Variants in TTC28 observed in about 807,000 individuals in gnomAD.
TTC28 encodes the protein tetratricopeptide repeat domain 28.
TTC28 carries 61 observed loss-of-function variants against 198.0 expected under a neutral mutation model. The ratio of observed to expected loss-of-function variants is 0.31; its 90% CI spans 0.25 to 0.38. The LOEUF (loss-of-function observed/expected upper bound fraction) is 0.38, where lower values mean the gene tolerates loss of function less well. Among genes scored for constraint, TTC28 ranks in the 10% least tolerant of loss-of-function variants. The pLI is 1.00. For synonymous variants in TTC28, 1,171 were observed against 1,297.8 expected (o/e 0.90, Z 2.10); for missense variants, 2,678 against 3,164.0 (o/e 0.85, Z 3.69).
intron 1 of TTC28, among the ~76,000 whole-genome samples, chr22:28,632,269 T>C (rs1230522603): frequency 7.3e-6 from 1 of 137,106 alleles, no homozygotes; most frequent in East Asian, 2.1e-4. Flanking sequence ...TTTTTTTTTT[T>C]TTTTTTTTTT....
chr22:28,411,204 G>A (rs887497031), intron 2 of TTC28, among the ~76,000 whole-genome samples: 1 of 152,136 alleles, frequency 6.6e-6, no homozygotes, highest in African/African-American at 2.4e-5. Context: ...TTAAAGCAGT[G>A]CATCTTTGTA....
At chr22:28,218,957 T>TA (rs879910239) in intron 5 of TTC28, among the ~76,000 whole-genome samples, 2,445 of 127,976 alleles carry the variant, frequency 0.019, 56 homozygotes, top group African/African-American at 0.054. Context: ...ACCAACACAG[T>TA]AAAAAAAAAA....
chr22:28,519,105 G>GCCTGCTA (rs1483075260), intron 2 of TTC28, among the ~76,000 whole-genome samples: 1 of 152,198 alleles, frequency 6.6e-6, no homozygotes, highest in African/African-American at 2.4e-5. Flanking sequence ...GTCAAAGAGA[G>GCCTGCTA]CAGGGAGAAG....
At chr22:28,270,776 A>G (rs1354916364) in intron 5 of TTC28, among the ~76,000 whole-genome samples, 1 of 152,186 alleles carries the variant, frequency 6.6e-6, no homozygotes, top group Non-Finnish European at 1.5e-5. Context: ...GCACATGCCT[A>G]TAGTCCCAGC....
At chr22:28,352,484 G>C (rs2046014967) in intron 2 of TTC28, among the ~76,000 whole-genome samples, 1 of 152,056 alleles carries the variant, frequency 6.6e-6, no homozygotes, top group Non-Finnish European at 1.5e-5. Context: ...TCATGTTCAA[G>C]AAACGGAAAT....
At chr22:27,988,051 C>CA (rs1054062709) in intron 21 of TTC28, among the ~76,000 whole-genome samples, 1 of 151,716 alleles carries the variant, frequency 6.6e-6, no homozygotes, top group Admixed American at 6.6e-5. Flanking sequence ...CCAATCTCTA[C>CA]AAAAAAAGTT....
At chr22:28,296,392 T>A in intron 4 of TTC28, 64 bp from the exon 5 acceptor site, 1 of 1,286,758 alleles carries the variant, frequency 7.8e-7, no homozygotes, top group Non-Finnish European at 1.0e-6. Flanking sequence ...ATTTATAACA[T>A]ATAATGGTCA....
chr22:28,556,998 C>T (rs2049796923), intron 2 of TTC28, among the ~76,000 whole-genome samples: 1 of 152,176 alleles, frequency 6.6e-6, no homozygotes, highest in African/African-American at 2.4e-5. Context: ...ACGTCACACC[C>T]CTTCATTTGC....
chr22:28,395,576 G>C (rs2046801501), intron 2 of TTC28, among the ~76,000 whole-genome samples: 1 of 145,840 alleles, frequency 6.9e-6, no homozygotes, highest in South Asian at 2.1e-4. Context: ...AGCTTGCAGT[G>C]AGCACTCCAG....
chr22:28,561,063 CTTCA>C (rs1229823368), intron 2 of TTC28, among the ~76,000 whole-genome samples: 8 of 132,664 alleles, frequency 6.0e-5, no homozygotes, highest in Non-Finnish European at 3.1e-5. Context: ...GGCCTCTCTC[CTTCA>C]TTTTCTTTTT....
intron 5 of TTC28, among the ~76,000 whole-genome samples, chr22:28,243,411 C>CT (rs1057037217): frequency 6.1e-5 from 9 of 147,912 alleles, no homozygotes; most frequent in South Asian, 2.1e-4. Context: ...ATATTTGGCT[C>CT]TTTTTTTTCC....
intron 5 of TTC28, among the ~76,000 whole-genome samples, chr22:28,196,890 A>G (rs1289688565): frequency 2.0e-5 from 3 of 152,166 alleles, no homozygotes; most frequent in African/African-American, 7.2e-5. Context: ...AGAACTAGAA[A>G]TACCATTTGA....
intron 2 of TTC28, among the ~76,000 whole-genome samples, chr22:28,504,382 T>C (rs2048575296): frequency 6.6e-6 from 1 of 152,188 alleles, no homozygotes; most frequent in Non-Finnish European, 1.5e-5. Flanking sequence ...TCTGTTTGTG[T>C]AGCCATATAT....
chr22:28,033,792 G>A (rs900156045), intron 12 of TTC28, among the ~76,000 whole-genome samples: 6 of 152,258 alleles, frequency 3.9e-5, no homozygotes, highest in African/African-American at 1.4e-4. Context: ...TCATTCATGT[G>A]GTCATTAGGC....
chr22:27,984,925 G>A (rs75450254), intron 22 of TTC28, among the ~76,000 whole-genome samples: 3,353 of 152,282 alleles, frequency 0.022, 43 homozygotes, highest in Non-Finnish European at 0.03. Flanking sequence ...CATGACCTGA[G>A]TGTCCGCTCC....
At chr22:28,071,794 C>T (rs1000803522) in intron 12 of TTC28, among the ~76,000 whole-genome samples, 3 of 149,528 alleles carry the variant, frequency 2.0e-5, no homozygotes, top group Non-Finnish European at 3.0e-5. Flanking sequence ...ATGACAACTT[C>T]GTCTCCACCA....
intron 2 of TTC28, among the ~76,000 whole-genome samples, chr22:28,391,001 A>C (rs1164340680): frequency 6.6e-6 from 1 of 152,106 alleles, no homozygotes; most frequent in Non-Finnish European, 1.5e-5. Flanking sequence ...TTCCATGTTT[A>C]GCGCTTCCTT....
chr22:28,252,893 C>G (rs140106673), intron 5 of TTC28, among the ~76,000 whole-genome samples: 1 of 152,108 alleles, frequency 6.6e-6, no homozygotes, highest in African/African-American at 2.4e-5. Flanking sequence ...AAAAAACACC[C>G]AAATATACAT....
At chr22:28,504,806 G>C (rs1180900814) in intron 2 of TTC28, among the ~76,000 whole-genome samples, 2 of 152,064 alleles carry the variant, frequency 1.3e-5, no homozygotes, top group Non-Finnish European at 2.9e-5. Flanking sequence ...AAAAAATCCA[G>C]TGGGAGTGGG....
Sources: gnomAD v4.1 joint callset for allele counts (sites outside exome capture counted in the v4.1 genomes callset) on GRCh38, gnomAD v4.1.1 for gene constraint, MANE v1.5 for transcripts, NCBI Gene and HGNC (gene_info 2026-07-23, HGNC 2026-07-21) for gene names.